The following CLASP1 variants were observed in gnomAD, a reference collection of about 807,000 sequenced individuals.
CLASP1 encodes CLIP-associating protein 1.
Under a neutral mutation model 192.3 loss-of-function variants are expected in CLASP1, and 38 were observed. That is an observed-to-expected ratio of 0.20 (90% CI 0.15 to 0.26). The LOEUF (loss-of-function observed/expected upper bound fraction) is 0.26, where lower values mean the gene tolerates loss of function less well. Among genes scored for constraint, CLASP1 ranks in the 10% least tolerant of loss-of-function variants. CLASP1 has a pLI of 1.00. For synonymous variants in CLASP1, 691 were observed against 712.8 expected (o/e 0.97, Z 0.49); for missense variants, 1,433 against 1,932.5 (o/e 0.74, Z 4.85).
chr2:121,546,813 G>A (rs1559578141), intron 2 of CLASP1, among the ~76,000 whole-genome samples: 1 of 152,170 alleles, frequency 6.6e-6, no homozygotes, highest in Non-Finnish European at 1.5e-5. Flanking sequence ...GGCAGACCCT[G>A]AGCATAGCAT....
rs745311867 is a variant in CLASP1 at position 121,348,505 on chromosome 2, G to A, written c.4413+7C>T. ...CGGGGGCAGGCCCCACCAACACGAG[G>A]GCCTACCTGCAGCAAGCCTGGGATG... On this transcript the variant is annotated splice_region_variant and intron_variant, in intron 38 of 39. Transcript: ENST00000263710. 2 of 1,603,092 alleles carry A rather than the reference G, an allele frequency of 1.2e-6. No individual in the cohort carries two copies. Among genetic ancestry groups the A allele is most frequent in the African/African-American group, 1.3e-5 (1 of 74,736 alleles).
intron 30 of CLASP1, among the ~76,000 whole-genome samples, chr2:121,388,464 G>C (rs572691315): frequency 3.3e-5 from 5 of 152,298 alleles, no homozygotes; most frequent in African/African-American, 1.2e-4. Flanking sequence ...TTTCGAAGGA[G>C]TCTACGTTAA....
chr2:121,365,393 G>T, intron 35 of CLASP1, 109 bp from the exon 37 acceptor site: 2 of 1,040,150 alleles, frequency 1.9e-6, no homozygotes, highest in Non-Finnish European at 2.8e-6. Flanking sequence ...TCCCAGAGGC[G>T]ATGCCTCCTT....
chr2:121,553,602 G>A (rs116702456), intron 2 of CLASP1, among the ~76,000 whole-genome samples: 5,631 of 152,184 alleles, frequency 0.037, 156 homozygotes, highest in East Asian at 0.14. Context: ...TAGGTTGGCT[G>A]AGGCAGGGAA....
chr2:121,519,867 T>G (rs2094417523), intron 6 of CLASP1, among the ~76,000 whole-genome samples: 1 of 152,238 alleles, frequency 6.6e-6, no homozygotes, highest in South Asian at 2.1e-4. Context: ...GCCATTCAGC[T>G]GAGACTGCAG....
chr2:121,637,487 A>T (rs2071110787), intron 1 of CLASP1, among the ~76,000 whole-genome samples: 1 of 152,216 alleles, frequency 6.6e-6, no homozygotes. Flanking sequence ...TCAAAGTAAG[A>T]GCTAAAATTA....
intron 38 of CLASP1, among the ~76,000 whole-genome samples, chr2:121,347,840 C>T (rs895994501): frequency 2.6e-5 from 4 of 152,208 alleles, no homozygotes; most frequent in Admixed American, 6.5e-5. Flanking sequence ...CAGCAAACAG[C>T]AGCATTGATT....
intron 2 of CLASP1, among the ~76,000 whole-genome samples, chr2:121,597,630 T>C (rs1054379438): frequency 6.6e-6 from 1 of 152,160 alleles, no homozygotes; most frequent in Non-Finnish European, 1.5e-5. Context: ...AATGGCAAAT[T>C]AGTAATTAAA....
chr2:121,457,623 G>T, intron 14 of CLASP1, 64 bp downstream of exon 14: 2 of 1,257,348 alleles, frequency 1.6e-6, no homozygotes, highest in Non-Finnish European at 2.3e-6. Flanking sequence ...CATGGAAGGA[G>T]ATTTGGAATT....
chr2:121,634,727 C>A (rs796082673), intron 1 of CLASP1, among the ~76,000 whole-genome samples: 15 of 152,300 alleles, frequency 9.8e-5, no homozygotes, highest in African/African-American at 3.6e-4. Flanking sequence ...CCAATCACTG[C>A]CAACAGGTAC....
At chr2:121,391,189 A>G (rs911007191) in intron 30 of CLASP1, among the ~76,000 whole-genome samples, 1 of 152,240 alleles carries the variant, frequency 6.6e-6, no homozygotes, top group Non-Finnish European at 1.5e-5. Context: ...TGGTATTAAT[A>G]ATCTAAAATG....
At chr2:121,352,615 C>G (rs1485111798) in intron 37 of CLASP1, among the ~76,000 whole-genome samples, 1 of 152,164 alleles carries the variant, frequency 6.6e-6, no homozygotes. Context: ...CTTCCTTGGT[C>G]TAAGCTTCCA....
chr2:121,629,104 T>C (rs951930587), intron 1 of CLASP1, among the ~76,000 whole-genome samples: 1 of 152,158 alleles, frequency 6.6e-6, no homozygotes, highest in African/African-American at 2.4e-5. Flanking sequence ...ATAAAAAATC[T>C]GTTCTTGCCG....
intron 14 of CLASP1, among the ~76,000 whole-genome samples, chr2:121,453,154 A>G (rs1273535427): frequency 1.3e-5 from 2 of 152,182 alleles, no homozygotes; most frequent in Admixed American, 1.3e-4. Context: ...TTAGTTGGGC[A>G]TGGTGGCATG....
intron 8 of CLASP1, among the ~76,000 whole-genome samples, chr2:121,484,973 G>T (rs897800726): frequency 6.6e-6 from 1 of 152,176 alleles, no homozygotes; most frequent in Non-Finnish European, 1.5e-5. Flanking sequence ...GTACAAAGGG[G>T]TATGACATTT....
At chr2:121,484,885 C>T (rs2092862506) in intron 8 of CLASP1, among the ~76,000 whole-genome samples, 2 of 152,234 alleles carry the variant, frequency 1.3e-5, no homozygotes, top group Admixed American at 6.5e-5. Flanking sequence ...GGATCTACTA[C>T]ATTTCAGGCA....
chr2:121,410,949 G>C, exon 24 of CLASP1: 2 of 1,608,888 alleles, frequency 1.2e-6, no homozygotes, highest in Non-Finnish European at 1.7e-6. Flanking sequence ...ATTCTTCCTG[G>C]CTGGCCAAGC....
chr2:121,475,970 C>T (rs994652873), intron 8 of CLASP1, among the ~76,000 whole-genome samples: 1 of 152,156 alleles, frequency 6.6e-6, no homozygotes, highest in Non-Finnish European at 1.5e-5. Context: ...TCTACAGCAT[C>T]AGGATAAACC....
At chr2:121,603,570 C>T (rs1351543312) in intron 2 of CLASP1, among the ~76,000 whole-genome samples, 2 of 152,302 alleles carry the variant, frequency 1.3e-5, no homozygotes, top group East Asian at 1.9e-4. Context: ...AGCAATCCCA[C>T]TAGTGGGAAT....
Sources: gnomAD v4.1 joint callset for allele counts (sites outside exome capture counted in the v4.1 genomes callset) on GRCh38, gnomAD v4.1.1 for gene constraint, MANE v1.5 for transcripts, NCBI Gene and HGNC (gene_info 2026-07-23, HGNC 2026-07-21) for gene names.